SHOC2: variants seen among roughly 807,000 people sequenced by gnomAD.
SHOC2 encodes SHOC2 leucine rich repeat scaffold protein.
In SHOC2, 4 loss-of-function variants were observed where a neutral mutation model predicts 50.2. That is an observed-to-expected ratio of 0.08 (90% CI 0.04 to 0.18). The LOEUF (loss-of-function observed/expected upper bound fraction) is 0.18, where lower values mean the gene tolerates loss of function less well. Among genes scored for constraint, SHOC2 ranks in the 10% least tolerant of loss-of-function variants. The pLI is 1.00. For synonymous variants in SHOC2, 218 were observed against 244.5 expected (o/e 0.89, Z 1.01); for missense variants, 388 against 669.6 (o/e 0.58, Z 4.64).
At chr10:111,006,528 G>A (rs569502600) in intron 5 of SHOC2, among the ~76,000 whole-genome samples, 2 of 152,054 alleles carry the variant, frequency 1.3e-5, no homozygotes, top group South Asian at 4.2e-4. Flanking sequence ...CCGCCACTAC[G>A]CCCGGCTAAT....
Position 111,011,820 on chromosome 10 carries a change from A to T in SHOC2, c.*2A>T. On this transcript the variant is annotated 3_prime_UTR_variant, in exon 9 of 9. Transcript: ENST00000369452. ...GGTCCATATCGTGCCATGGTCTGAT[A>T]TAAATCTGCTGGTCCCACACACTGT... 5.0e-6 allele frequency: 8 copies of T among 1,610,772 alleles called. No homozygotes were observed. Among genetic ancestry groups the T allele is most frequent in the Non-Finnish European group, 5.9e-6 (7 of 1,176,986 alleles).
intron 3 of SHOC2, among the ~76,000 whole-genome samples, chr10:110,986,764 C>A (rs917502327): frequency 2.0e-5 from 3 of 152,196 alleles, no homozygotes. Context: ...GCCTTAGCCA[C>A]CGTGCTTGGT....
At chr10:110,953,577 G>A (rs927203265) in intron 1 of SHOC2, among the ~76,000 whole-genome samples, 6 of 152,060 alleles carry the variant, frequency 3.9e-5, no homozygotes, top group African/African-American at 1.4e-4. Context: ...CAATTATAAA[G>A]CTGCCATAAA....
At chr10:110,946,196 G>A (rs1486740414) in intron 1 of SHOC2, among the ~76,000 whole-genome samples, 1 of 151,856 alleles carries the variant, frequency 6.6e-6, no homozygotes, top group Non-Finnish European at 1.5e-5. Flanking sequence ...GTATGGGAAT[G>A]ACAATTCTAT....
At chr10:111,009,870 T>C in intron 8 of SHOC2, 40 bp downstream of exon 8, 1 of 1,058,572 alleles carries the variant, frequency 9.4e-7, no homozygotes, top group Admixed American at 1.7e-5. Flanking sequence ...ACTAATAATT[T>C]GCTCTTGTGC....
intron 1 of SHOC2, among the ~76,000 whole-genome samples, chr10:110,934,488 C>T (rs2134080968): frequency 6.6e-6 from 1 of 152,152 alleles, no homozygotes; most frequent in African/African-American, 2.4e-5. Flanking sequence ...TAAAGTTATA[C>T]TATGCTGTCA....
At chr10:110,921,775 T>C (rs1474314224) in intron 1 of SHOC2, among the ~76,000 whole-genome samples, 1 of 152,146 alleles carries the variant, frequency 6.6e-6, no homozygotes, top group Admixed American at 6.5e-5. Flanking sequence ...TCGTATTCAT[T>C]CTGTTTTTTT....
At chr10:110,929,401 T>G (rs927613994) in intron 1 of SHOC2, among the ~76,000 whole-genome samples, 4 of 152,194 alleles carry the variant, frequency 2.6e-5, no homozygotes, top group African/African-American at 9.7e-5. Context: ...GTATGGAAAT[T>G]TTTTTCATAT....
At chr10:110,998,275 A>G (rs916832444) in intron 3 of SHOC2, among the ~76,000 whole-genome samples, 1 of 152,202 alleles carries the variant, frequency 6.6e-6, no homozygotes, top group Non-Finnish European at 1.5e-5. Flanking sequence ...CTGGGATTAC[A>G]GGTGTGAGCC....
chr10:110,988,423 TGGTCATATG>T (rs1477796608), intron 3 of SHOC2, among the ~76,000 whole-genome samples: 1 of 152,134 alleles, frequency 6.6e-6, no homozygotes, highest in East Asian at 1.9e-4. Context: ...TCAGCAAACT[TGGTCATATG>T]GGTCTTTCAA....
intron 1 of SHOC2, among the ~76,000 whole-genome samples, chr10:110,934,267 A>G (rs963786518): frequency 6.6e-6 from 1 of 152,216 alleles, no homozygotes; most frequent in African/African-American, 2.4e-5. Flanking sequence ...TCAGTGAAGC[A>G]TTATATATCT....
At chr10:110,993,595 G>T (rs1848220771) in intron 3 of SHOC2, among the ~76,000 whole-genome samples, 1 of 152,108 alleles carries the variant, frequency 6.6e-6, no homozygotes, top group Non-Finnish European at 1.5e-5. Flanking sequence ...TCCAAGAAAG[G>T]TGGAGGTACC....
At chr10:110,999,764 GA>G (rs1258491054) in intron 3 of SHOC2, among the ~76,000 whole-genome samples, 22 of 120,710 alleles carry the variant, frequency 1.8e-4, no homozygotes, top group East Asian at 9.2e-4. Flanking sequence ...AAAAAAGAAA[GA>G]AAAGAAAAGA....
At chr10:110,934,308 A>C (rs555488293) in intron 1 of SHOC2, among the ~76,000 whole-genome samples, 1 of 152,354 alleles carries the variant, frequency 6.6e-6, no homozygotes, top group Non-Finnish European at 1.5e-5. Flanking sequence ...AATGTAAAGG[A>C]AAATAGAAAC....
At chr10:110,935,047 A>G (rs1846976229) in intron 1 of SHOC2, among the ~76,000 whole-genome samples, 1 of 152,204 alleles carries the variant, frequency 6.6e-6, no homozygotes, top group Non-Finnish European at 1.5e-5. Flanking sequence ...ATATGTGCAT[A>G]TATATGTATA....
rs1188255409 is a variant in SHOC2, at chr10:110,964,958, C to G, written c.600C>G (p.Arg200=). ...ATTCTCTCACCACTCTTTACCTTCG[C>G]TTTAATCGTATAACTACTGTGGAAA... ...RLDSLTTLYL[R]FNRITTVEKD... is the part of the protein sequence containing the mutation. The change falls in exon 2 of 9, where the codon CGC becomes CGG. Residue 200 remains arginine (R), a synonymous_variant. Transcript: ENST00000369452. The surrounding 1 kb of genome is among the most constrained non-coding windows in gnomAD (Gnocchi z 4.9). 1 of 1,613,652 alleles carries G rather than the reference C, an allele frequency of 6.2e-7. No individual in the cohort carries two copies. Among genetic ancestry groups the G allele is most frequent in the African/African-American group, 1.3e-5 (1 of 75,010 alleles).
At chr10:110,939,836 AT>A (rs1345441697) in intron 1 of SHOC2, among the ~76,000 whole-genome samples, 2 of 152,234 alleles carry the variant, frequency 1.3e-5, no homozygotes, top group Non-Finnish European at 2.9e-5. Flanking sequence ...GATGAGTCAG[AT>A]TCTTTTCCCA....
intron 1 of SHOC2, among the ~76,000 whole-genome samples, chr10:110,925,064 C>G (rs1846731453): frequency 2.2e-5 from 2 of 91,204 alleles, no homozygotes; most frequent in Non-Finnish European, 4.2e-5. Context: ...GAGTGAGACT[C>G]TGTCTCAAAA....
intron 2 of SHOC2, among the ~76,000 whole-genome samples, chr10:110,968,567 GC>G (rs1469867712): frequency 6.6e-6 from 1 of 151,242 alleles, no homozygotes; most frequent in African/African-American, 2.4e-5. Context: ...TATATTAGAT[GC>G]TTATTCTTCT....
Sources: allele counts gnomAD v4.1 joint callset (sites outside exome capture counted in the v4.1 genomes callset), GRCh38; gene constraint gnomAD v4.1.1; non-coding constraint Gnocchi (gnomAD v3.1); transcripts MANE v1.5; gene names NCBI Gene and HGNC (gene_info 2026-07-23, HGNC 2026-07-21).